Variants in PCSK5 observed in about 807,000 individuals in gnomAD.
PCSK5 encodes the protein prohormone convertase 5.
In PCSK5, 129 loss-of-function variants were observed where a neutral mutation model predicts 233.2. The observed-to-expected ratio is 0.55, with a 90% CI of 0.48 to 0.64. The LOEUF (loss-of-function observed/expected upper bound fraction) is 0.64. PCSK5 is among the 30% of genes least tolerant of loss of function. The pLI is 0.00. For synonymous variants in PCSK5, 825 were observed against 879.2 expected, an observed-to-expected ratio of 0.94 and a Z score of 1.09; for missense variants, 2,076 against 2,430.1, an observed-to-expected ratio of 0.85 and a Z score of 3.06.
intron 9 of PCSK5, among the ~76,000 whole-genome samples, chr9:76,119,433 C>T (rs1160757108): frequency 6.6e-6 from 1 of 151,900 alleles, no homozygotes; most frequent in Non-Finnish European, 1.5e-5. Context: ...TTTGTACCTC[C>T]TAGAGAATTT....
chr9:75,923,092 G>C (rs1587366390), intron 1 of PCSK5, among the ~76,000 whole-genome samples: 1 of 152,300 alleles, frequency 6.6e-6, no homozygotes, highest in South Asian at 2.1e-4. Context: ...AACCCTTTGA[G>C]TAAGTTTTAA....
At chr9:75,967,147 G>A (rs1401627132) in intron 2 of PCSK5, among the ~76,000 whole-genome samples, 1 of 152,074 alleles carries the variant, frequency 6.6e-6, no homozygotes, top group East Asian at 1.9e-4. Flanking sequence ...TTCAGGGGGT[G>A]AATGTGCAGT....
intron 6 of PCSK5, among the ~76,000 whole-genome samples, chr9:76,068,385 G>A (rs1830361853): frequency 6.6e-6 from 1 of 152,034 alleles, no homozygotes; most frequent in Admixed American, 6.6e-5. Context: ...TAAACATTAG[G>A]CCATAATATC....
chr9:76,186,638 C>T (rs1824116760), intron 17 of PCSK5, among the ~76,000 whole-genome samples: 1 of 152,160 alleles, frequency 6.6e-6, no homozygotes, highest in African/African-American at 2.4e-5. Flanking sequence ...TTACCTCATT[C>T]CTTCTCCATA....
chr9:76,001,522 G>A (rs1827263687), intron 3 of PCSK5, among the ~76,000 whole-genome samples: 1 of 113,944 alleles, frequency 8.8e-6, no homozygotes, highest in African/African-American at 3.4e-5. Flanking sequence ...TCTCTCTACT[G>A]TCGTTGGAAG....
intron 2 of PCSK5, among the ~76,000 whole-genome samples, chr9:75,934,832 G>A (rs925646506): frequency 2.0e-5 from 3 of 151,970 alleles, no homozygotes; most frequent in Non-Finnish European, 2.9e-5. Flanking sequence ...TGATCTGCCC[G>A]CCTCAGCCTC....
At chr9:76,089,101 TAGTA>T (rs1484275593) in intron 7 of PCSK5, among the ~76,000 whole-genome samples, 1 of 152,122 alleles carries the variant, frequency 6.6e-6, no homozygotes, top group Non-Finnish European at 1.5e-5. Context: ...AAGTCATTAG[TAGTA>T]AGTGTCCTTG....
At chr9:76,237,715 C>T (rs1826295664) in intron 22 of PCSK5, among the ~76,000 whole-genome samples, 2 of 151,984 alleles carry the variant, frequency 1.3e-5, no homozygotes, top group African/African-American at 4.8e-5. Flanking sequence ...GAGGAGGTTG[C>T]AGTAAGCTGA....
chr9:75,917,572 G>C (rs1465791410), intron 1 of PCSK5, among the ~76,000 whole-genome samples: 1 of 152,222 alleles, frequency 6.6e-6, no homozygotes, highest in Non-Finnish European at 1.5e-5. Flanking sequence ...GCAGAATCAA[G>C]ATTTATAGTC....
intron 2 of PCSK5, among the ~76,000 whole-genome samples, chr9:75,970,418 G>A (rs1249896159): frequency 2.0e-5 from 3 of 152,104 alleles, no homozygotes; most frequent in African/African-American, 7.2e-5. Flanking sequence ...CCAAGGCTGT[G>A]CCTAAGAATT....
intron 1 of PCSK5, among the ~76,000 whole-genome samples, chr9:75,910,105 A>G (rs1210122860): frequency 6.6e-6 from 1 of 152,244 alleles, no homozygotes; most frequent in Non-Finnish European, 1.5e-5. Context: ...GTTTTAAGTC[A>G]CTGAGACTCA....
chr9:76,049,901 T>C (rs543609471), intron 5 of PCSK5, among the ~76,000 whole-genome samples: 18 of 152,334 alleles, frequency 1.2e-4, no homozygotes, highest in Admixed American at 5.2e-4. Flanking sequence ...TTAACAAATA[T>C]TGAATGGTAT....
At chr9:76,112,382 C>CA (rs1832256995) in intron 9 of PCSK5, among the ~76,000 whole-genome samples, 1 of 152,070 alleles carries the variant, frequency 6.6e-6, no homozygotes, top group Non-Finnish European at 1.5e-5. Flanking sequence ...TGAGAAAACC[C>CA]AATATATCTA....
At chr9:76,091,914 G>A (rs1386607823) in intron 7 of PCSK5, among the ~76,000 whole-genome samples, 3 of 152,082 alleles carry the variant, frequency 2.0e-5, no homozygotes, top group Admixed American at 1.3e-4. Flanking sequence ...ACACAAGGAC[G>A]TCACCTCTGT....
intron 1 of PCSK5, among the ~76,000 whole-genome samples, chr9:75,928,981 G>A (rs1823648925): frequency 6.6e-6 from 1 of 151,392 alleles, no homozygotes; most frequent in Non-Finnish European, 1.5e-5. Context: ...CTGTCACCAG[G>A]CTGGAGTGCA....
At chr9:76,077,819 T>C (rs542927509) in intron 7 of PCSK5, among the ~76,000 whole-genome samples, 172 of 152,346 alleles carry the variant, frequency 1.1e-3, no homozygotes, top group African/African-American at 3.9e-3. Flanking sequence ...ATTGGGCACC[T>C]AGGTTGATTC....
intron 3 of PCSK5, among the ~76,000 whole-genome samples, chr9:76,022,327 T>C (rs1479716627): frequency 1.3e-5 from 2 of 152,226 alleles, no homozygotes; most frequent in African/African-American, 4.8e-5. Context: ...TATAATTTCT[T>C]AATTATAGTA....
chr9:75,972,689 G>T (rs1825857720), intron 2 of PCSK5, among the ~76,000 whole-genome samples: 1 of 152,102 alleles, frequency 6.6e-6, no homozygotes. Flanking sequence ...GTCTATTGTT[G>T]TGTATAGGAA....
At chr9:76,267,858 G>A (rs1473015084) in intron 24 of PCSK5, among the ~76,000 whole-genome samples, 3 of 151,984 alleles carry the variant, frequency 2.0e-5, no homozygotes, top group Non-Finnish European at 4.4e-5. Flanking sequence ...ATGGATACAA[G>A]GAGAAAAGTC....
Sources: gnomAD v4.1 joint callset for allele counts (sites outside exome capture counted in the v4.1 genomes callset) on GRCh38, gnomAD v4.1.1 for gene constraint, MANE v1.5 for transcripts, NCBI Gene and HGNC (gene_info 2026-07-23, HGNC 2026-07-21) for gene names.